The following SEMA5A variants were observed in gnomAD, a reference collection of about 807,000 sequenced individuals.
The protein encoded by SEMA5A is semaphorin 5A, also known as semaphorin-5A.
Under a neutral mutation model 135.5 loss-of-function variants are expected in SEMA5A, and 55 were observed. The ratio of observed to expected loss-of-function variants is 0.41; its 90% CI spans 0.33 to 0.51. The LOEUF (loss-of-function observed/expected upper bound fraction) is 0.51, where lower values mean the gene tolerates loss of function less well. Among genes scored for constraint, SEMA5A ranks in the 20% least tolerant of loss-of-function variants. SEMA5A has a pLI of 0.37. For synonymous variants in SEMA5A, 580 were observed against 546.5 expected (o/e 1.06, Z -0.85); for missense variants, 1,290 against 1,419.9 (o/e 0.91, Z 1.47).
intron 1 of SEMA5A, among the ~76,000 whole-genome samples, chr5:9,518,653 A>G (rs780200006): frequency 1.3e-5 from 2 of 152,124 alleles, no homozygotes; most frequent in African/African-American, 4.8e-5. Flanking sequence ...GTGTTCTCCC[A>G]TTTATCTGTT....
At chr5:9,156,102 A>G (rs1172366195) in intron 11 of SEMA5A, among the ~76,000 whole-genome samples, 1 of 152,214 alleles carries the variant, frequency 6.6e-6, no homozygotes, top group Non-Finnish European at 1.5e-5. Context: ...GTGAGGACAA[A>G]AGAGAGAACG....
At chr5:9,308,109 C>T (rs1028328196) in intron 5 of SEMA5A, among the ~76,000 whole-genome samples, 5 of 152,146 alleles carry the variant, frequency 3.3e-5, no homozygotes, top group Non-Finnish European at 7.4e-5. Flanking sequence ...GAGTCAGGAA[C>T]ATCAAGAAAA....
At chr5:9,528,002 T>C (rs113855701) in intron 1 of SEMA5A, among the ~76,000 whole-genome samples, 3 of 152,342 alleles carry the variant, frequency 2.0e-5, no homozygotes, top group African/African-American at 7.2e-5. Context: ...TATTTTGTAA[T>C]TTGTAAATAT....
chr5:9,219,667 A>G lies in SEMA5A; in HGVS notation c.646+5007T>C, dbSNP rs968593036. Among the ~76,000 whole-genome samples the G allele has an allele frequency of 4.6e-5, 7 of 152,188 alleles. No homozygotes were observed. The South Asian group carries it at 1.4e-3, about 31-fold the overall frequency. ...AGGAGAGAGGCCTCAGGAGACACCA[A>G]TCCTGCTGACAGCTTCCTTTTGGAC... is the stretch of plus-strand genomic sequence containing the variant. On this transcript the variant is annotated intron_variant, in intron 8 of 22. Coordinates refer to ENST00000382496, the MANE Select transcript of SEMA5A (RefSeq NM_003966.3).
chr5:9,470,845 T>C (rs1258500306), intron 1 of SEMA5A, among the ~76,000 whole-genome samples: 1 of 152,188 alleles, frequency 6.6e-6, no homozygotes, highest in Non-Finnish European at 1.5e-5. Flanking sequence ...CATTTGTTGT[T>C]TGAAGCTGCA....
Position 9,051,881 on chromosome 5 carries a change from A to C in SEMA5A, c.2837T>G (p.Phe946Cys). 1 of 1,614,174 alleles carries C rather than the reference A, an allele frequency of 6.2e-7. No homozygotes were observed. The highest frequency in any genetic ancestry group is 2.2e-5 in the East Asian group (1 of 44,876). ...ESRPCVFDSN[F>C]IPEVSVARSS... ...AATACCTCTGCTCTTACCTGGGATG[A>C]AATTAGAGTCAAACACACACGGCCG... is the stretch of plus-strand genomic sequence containing the variant. Residue 946 changes from phenylalanine (F) to cysteine (C), a missense_variant, in exon 20 of 23, where the codon TTC becomes TGC. Transcript: ENST00000382496.
At chr5:9,088,637 A>ATATATATATATAT (rs1738846706) in intron 16 of SEMA5A, among the ~76,000 whole-genome samples, 18 of 108,080 alleles carry the variant, frequency 1.7e-4, no homozygotes, top group African/African-American at 6.4e-4. Flanking sequence ...CTACATTTAT[A>ATATATATATATAT]ATATATATAT....
At chr5:9,534,440 T>C (rs1405258045) in intron 1 of SEMA5A, among the ~76,000 whole-genome samples, 1 of 152,176 alleles carries the variant, frequency 6.6e-6, no homozygotes, top group Admixed American at 6.5e-5. Context: ...CTAAAGTCCA[T>C]GTGTTACCAC....
At chr5:9,214,991 G>A (rs913552237) in intron 8 of SEMA5A, among the ~76,000 whole-genome samples, 2 of 152,146 alleles carry the variant, frequency 1.3e-5, no homozygotes, top group Non-Finnish European at 2.9e-5. Context: ...GAGACATAGG[G>A]GCAGGGAGCG....
chr5:9,055,078 G>A (rs771505946), intron 18 of SEMA5A, among the ~76,000 whole-genome samples: 9 of 152,270 alleles, frequency 5.9e-5, no homozygotes, highest in Middle Eastern at 3.4e-3. Context: ...CTGTAGACCC[G>A]CCTGCTGAAT....
At chr5:9,110,475 C>T (rs936355794) in intron 15 of SEMA5A, among the ~76,000 whole-genome samples, 2 of 152,082 alleles carry the variant, frequency 1.3e-5, no homozygotes, top group African/African-American at 2.4e-5. Flanking sequence ...TAGAAAACGG[C>T]GATGGTGTTG....
chr5:9,491,472 G>GC (rs933282874), intron 1 of SEMA5A, among the ~76,000 whole-genome samples: 1 of 150,674 alleles, frequency 6.6e-6, no homozygotes, highest in Non-Finnish European at 1.5e-5. Context: ...TCAGCACTTT[G>GC]AAGTTATTCT....
Position 9,286,932 on chromosome 5 carries a change from A to T in SEMA5A, c.270+31440T>A, listed in dbSNP as rs1359107128. On this transcript the variant is annotated intron_variant, in intron 5 of 22. Coordinates refer to ENST00000382496, the MANE Select transcript of SEMA5A (RefSeq NM_003966.3). ...GACCAGAACTGGCTTTGGACTCTTC[A>T]ATCTTTGAACACATTTCCTTTTTTA... Among the ~76,000 whole-genome samples the T allele has an allele frequency of 2.6e-5, 4 of 152,208 alleles. No homozygotes were observed. In the East Asian group the frequency reaches 7.7e-4, roughly 29 times the overall value.
intron 8 of SEMA5A, among the ~76,000 whole-genome samples, chr5:9,223,782 C>A (rs1747140715): frequency 6.6e-6 from 1 of 152,272 alleles, no homozygotes; most frequent in East Asian, 1.9e-4. Context: ...TGAGACCACA[C>A]TCACACATGA....
rs1282347109 is a variant in SEMA5A, at chr5:9,231,464, TCA to T, written c.334-4499_334-4498del. Among the ~76,000 whole-genome samples the T allele has an allele frequency of 9.8e-4, 30 of 30,702 alleles. No homozygotes were observed. The East Asian group carries it at 0.024, about 24-fold the overall frequency. 20.1% of individuals were successfully genotyped at this position (30,702 alleles called of 152,430 possible). On this transcript the variant is annotated intron_variant, in intron 6 of 22. Transcript: ENST00000382496. ...CCTGAGTACAGAGCAAGACTCCATC[TCA>T]AAAAAAAAAAAAAAAAAAAAAAAAA...
At chr5:9,503,090 C>G (rs754483828) in intron 1 of SEMA5A, among the ~76,000 whole-genome samples, 2 of 151,774 alleles carry the variant, frequency 1.3e-5, no homozygotes, top group Non-Finnish European at 2.9e-5. Flanking sequence ...GGAAACAGAG[C>G]CTCTGGCTTC....
intron 1 of SEMA5A, among the ~76,000 whole-genome samples, chr5:9,463,191 A>G (rs1759122037): frequency 6.6e-6 from 1 of 152,210 alleles, no homozygotes; most frequent in African/African-American, 2.4e-5. Flanking sequence ...AGTCTGAAGA[A>G]AAACAGTGAA....
At chr5:9,155,757 C>A (rs1265735617) in intron 11 of SEMA5A, among the ~76,000 whole-genome samples, 1 of 152,104 alleles carries the variant, frequency 6.6e-6, no homozygotes. Flanking sequence ...TTGCAAAAGA[C>A]CTTGGATAAA....
chr5:9,476,187 T>C (rs1404255046), intron 1 of SEMA5A, among the ~76,000 whole-genome samples: 1 of 152,118 alleles, frequency 6.6e-6, no homozygotes, highest in African/African-American at 2.4e-5. Context: ...TTTTCCACGA[T>C]TAAAAATAAA....
Sources: gnomAD v4.1 joint callset for allele counts (sites outside exome capture counted in the v4.1 genomes callset) on GRCh38, gnomAD v4.1.1 for gene constraint, MANE v1.5 for transcripts, NCBI Gene and HGNC (gene_info 2026-07-23, HGNC 2026-07-21) for gene names.